The following NELL1 variants were observed in gnomAD, a reference collection of about 807,000 sequenced individuals.
NELL1 encodes the protein protein kinase C-binding protein NELL1.
In NELL1, 76 loss-of-function variants were observed where a neutral mutation model predicts 107.4. The observed-to-expected ratio is 0.71, with a 90% CI of 0.59 to 0.86. NELL1 has a LOEUF of 0.86. NELL1 is among the 40% of genes least tolerant of loss of function. The pLI is 0.00. For missense variants in NELL1, 1,024 were observed against 1,005.5 expected, an observed-to-expected ratio of 1.02 and a Z score of -0.25; for synonymous variants, 353 against 341.2, an observed-to-expected ratio of 1.03 and a Z score of -0.38.
intron 5 of NELL1, among the ~76,000 whole-genome samples, chr11:20,888,935 A>G (rs1478833961): frequency 6.6e-6 from 1 of 152,196 alleles, no homozygotes; most frequent in Non-Finnish European, 1.5e-5. Flanking sequence ...AAGTATCGGA[A>G]GAGTGCAATC....
intron 15 of NELL1, among the ~76,000 whole-genome samples, chr11:21,503,751 G>T (rs1022662454): frequency 6.6e-6 from 1 of 152,058 alleles, no homozygotes; most frequent in Admixed American, 6.6e-5. Context: ...GCAAATAATG[G>T]CTGCATCAGA....
chr11:21,296,524 G>A (rs1235858251), intron 14 of NELL1, among the ~76,000 whole-genome samples: 1 of 151,814 alleles, frequency 6.6e-6, no homozygotes, highest in Admixed American at 6.6e-5. Flanking sequence ...AAATACAAAT[G>A]TAAATACTGA....
rs888355069 is a variant in NELL1, at chr11:21,433,867, G to T, written c.1645+62919G>T. 1.2e-4 allele frequency among the ~76,000 whole-genome samples: 18 copies of T among 152,110 alleles called. No homozygotes were observed. The East Asian group carries it at 2.7e-3, about 23-fold the overall frequency. On this transcript the variant is annotated intron_variant, in intron 15 of 19. Transcript: ENST00000357134. ...ATTTTGAACTTTTAGTAGAGATGGG[G>T]TTTCTCCATGTTGATCAGGCTGGTC...
chr11:21,365,159 A>G (rs1851190692), intron 14 of NELL1, among the ~76,000 whole-genome samples: 1 of 152,226 alleles, frequency 6.6e-6, no homozygotes, highest in African/African-American at 2.4e-5. Context: ...CATTTATCAC[A>G]TTTTATTATG....
chr11:20,743,701 C>T (rs1183395399), intron 2 of NELL1, among the ~76,000 whole-genome samples: 2 of 152,166 alleles, frequency 1.3e-5, no homozygotes, highest in Non-Finnish European at 2.9e-5. Flanking sequence ...AAATATTGCT[C>T]TGAGCTCTGT....
intron 5 of NELL1, among the ~76,000 whole-genome samples, chr11:20,910,733 A>G (rs1850110561): frequency 1.3e-5 from 2 of 152,230 alleles, no homozygotes; most frequent in South Asian, 4.1e-4. Flanking sequence ...CAGGGTCAGA[A>G]CTAGCTCTCA....
At chr11:20,719,272 C>T (rs1219340717) in intron 2 of NELL1, among the ~76,000 whole-genome samples, 1 of 152,168 alleles carries the variant, frequency 6.6e-6, no homozygotes. Context: ...AGGATCATAG[C>T]CCAGGATCCT....
intron 4 of NELL1, among the ~76,000 whole-genome samples, chr11:20,860,157 T>C (rs1047311636): frequency 6.6e-6 from 1 of 152,214 alleles, no homozygotes; most frequent in Non-Finnish European, 1.5e-5. Flanking sequence ...AAGTTCACTC[T>C]TATACATCCT....
chr11:21,384,207 A>G (rs1016336764), intron 15 of NELL1, among the ~76,000 whole-genome samples: 11 of 151,944 alleles, frequency 7.2e-5, no homozygotes, highest in African/African-American at 2.4e-4. Flanking sequence ...ATAGTAGCCA[A>G]GGGGACATTA....
intron 15 of NELL1, among the ~76,000 whole-genome samples, chr11:21,406,877 G>C (rs1852249996): frequency 6.6e-6 from 1 of 151,856 alleles, no homozygotes; most frequent in Admixed American, 6.6e-5. Context: ...GTAAATTATT[G>C]TTAACTATAG....
chr11:21,490,167 A>C (rs1476529483), intron 15 of NELL1, among the ~76,000 whole-genome samples: 1 of 152,078 alleles, frequency 6.6e-6, no homozygotes, highest in Non-Finnish European at 1.5e-5. Context: ...AGAGGAAAAA[A>C]ATCAAGAAAG....
intron 7 of NELL1, chr11:20,926,997 A>G (rs1850510203): frequency 7.5e-6 from 2 of 265,926 alleles, no homozygotes; most frequent in South Asian, 1.1e-4. Flanking sequence ...CACATTCATT[A>G]TGAGTGTTTT....
intron 3 of NELL1, among the ~76,000 whole-genome samples, chr11:20,845,339 C>G (rs924510312): frequency 4.6e-5 from 7 of 152,124 alleles, no homozygotes; most frequent in African/African-American, 1.7e-4. Flanking sequence ...ATACATTGAA[C>G]ACTTGCTCAA....
intron 10 of NELL1, among the ~76,000 whole-genome samples, chr11:20,939,116 C>T (rs1341659002): frequency 6.6e-6 from 1 of 151,698 alleles, no homozygotes; most frequent in African/African-American, 2.4e-5. Context: ...TGAAGATGTA[C>T]AGGAAAAGAG....
chr11:21,364,733 G>C (rs574781681), intron 14 of NELL1, among the ~76,000 whole-genome samples: 1 of 152,068 alleles, frequency 6.6e-6, no homozygotes, highest in Non-Finnish European at 1.5e-5. Context: ...TCAAATAATA[G>C]ACAGGGCAAA....
At chr11:21,151,133 C>G (rs912968107) in intron 13 of NELL1, among the ~76,000 whole-genome samples, 1 of 152,198 alleles carries the variant, frequency 6.6e-6, no homozygotes, top group African/African-American at 2.4e-5. Flanking sequence ...GGTAGGGACA[C>G]AGTGCCAAAC....
intron 3 of NELL1, among the ~76,000 whole-genome samples, chr11:20,789,897 C>A (rs570616894): frequency 6.6e-6 from 1 of 152,144 alleles, no homozygotes; most frequent in Admixed American, 6.5e-5. Context: ...CTCTCTGCAG[C>A]GGGTTATCCT....
In NELL1 at chr11:20,952,800, G is replaced by GA. The variant is rs201437004; in HGVS notation, c.1171+5369dup. ...AAAAGGAGGCACATTTTCCCAGAGAGAAAACCTGACACTAAGGCTAGGCTG... is the reference window on the plus strand; with the variant it reads ...AAAAGGAGGCACATTTTCCCAGAGAGAAAAACCTGACACTAAGGCTAGGCTG... On this transcript the variant is annotated intron_variant, in intron 11 of 19. Coordinates refer to ENST00000357134, the MANE Select transcript of NELL1 (RefSeq NM_006157.5). Among the ~76,000 whole-genome samples the GA allele has an allele frequency of 4.1e-3, 623 of 152,304 alleles. 4 individuals carry two copies. The highest frequency in any genetic ancestry group is 6.3e-3 in the Admixed American group (96 of 15,300).
chr11:20,988,046 T>C (rs950163994), intron 12 of NELL1, among the ~76,000 whole-genome samples: 1 of 150,720 alleles, frequency 6.6e-6, no homozygotes, highest in African/African-American at 2.5e-5. Context: ...TTCTGAGTCA[T>C]GCTACACTTA....
Sources: allele counts gnomAD v4.1 joint callset (sites outside exome capture counted in the v4.1 genomes callset), GRCh38; gene constraint gnomAD v4.1.1; transcripts MANE v1.5; gene names NCBI Gene and HGNC (gene_info 2026-07-23, HGNC 2026-07-21).